CDH8: variants seen among roughly 807,000 people sequenced by gnomAD.
The protein encoded by CDH8 is cadherin 8, also known as cadherin-8.
CDH8 carries 17 observed loss-of-function variants against 68.1 expected under a neutral mutation model. The ratio of observed to expected loss-of-function variants is 0.25; its 90% CI spans 0.17 to 0.37. CDH8 has a LOEUF of 0.37. Among genes scored for constraint, CDH8 ranks in the 10% least tolerant of loss-of-function variants. The pLI is 1.00. For synonymous variants in CDH8, 372 were observed against 365.1 expected (o/e 1.02, Z -0.21); for missense variants, 763 against 999.3 (o/e 0.76, Z 3.19).
intron 8 of CDH8, among the ~76,000 whole-genome samples, chr16:61,762,860 C>T (rs1417561384): frequency 1.3e-5 from 2 of 152,154 alleles, no homozygotes; most frequent in African/African-American, 4.8e-5. Flanking sequence ...GCACCCCAAA[C>T]TCAGGGAATC....
chr16:62,033,242 C>T lies in CDH8; in HGVS notation c.-200+2838G>A, dbSNP rs76765940. On this transcript the variant is annotated intron_variant, in intron 1 of 11. Transcript: ENST00000577390. ...TTGGCTACTTAAATTGTGTTCAGTG[C>T]TAATTGAGGGATTGCTATAAATGAA... 8.3e-4 allele frequency among the ~76,000 whole-genome samples: 127 copies of T among 152,306 alleles called. 1 individual carries two copies. The East Asian group carries it at 0.022, about 26-fold the overall frequency.
chr16:61,923,290 G>A (rs1964402168), intron 2 of CDH8, among the ~76,000 whole-genome samples: 3 of 151,966 alleles, frequency 2.0e-5, no homozygotes, highest in Admixed American at 6.6e-5. Context: ...TCATTCCACC[G>A]TCGGTCAGAC....
At chr16:61,880,177 G>A (rs933059223) in intron 3 of CDH8, among the ~76,000 whole-genome samples, 6 of 152,132 alleles carry the variant, frequency 3.9e-5, no homozygotes, top group African/African-American at 1.4e-4. Context: ...GCCTGCCTTG[G>A]CATCCCAAAG....
At chr16:62,000,014 A>G (rs1278686710) in intron 2 of CDH8, among the ~76,000 whole-genome samples, 1 of 143,166 alleles carries the variant, frequency 7.0e-6, no homozygotes, top group South Asian at 2.2e-4. Context: ...CCCTGTGTCC[A>G]TGTGTTCTCA....
intron 2 of CDH8, among the ~76,000 whole-genome samples, chr16:61,914,249 A>T (rs1489342570): frequency 6.6e-6 from 1 of 152,220 alleles, no homozygotes; most frequent in Non-Finnish European, 1.5e-5. Flanking sequence ...TAAGTCACCC[A>T]GTCTGTGGCA....
At chr16:61,828,717 C>G (rs937158854) in intron 4 of CDH8, among the ~76,000 whole-genome samples, 3 of 151,866 alleles carry the variant, frequency 2.0e-5, no homozygotes, top group African/African-American at 7.2e-5. Flanking sequence ...CTTACCAATG[C>G]TGCCCTCATA....
intron 2 of CDH8, among the ~76,000 whole-genome samples, chr16:62,016,256 C>T (rs752566566): frequency 1.1e-3 from 162 of 152,208 alleles, no homozygotes; most frequent in Non-Finnish European, 2.0e-3. Flanking sequence ...TGTGATTATC[C>T]GTTTTAATGT....
At position 61,960,347 on chromosome 16, in the gene CDH8, A is replaced by ATG. The variant is rs367922151; in HGVS notation, c.253-58876_253-58875dup. Among the ~76,000 whole-genome samples the ATG allele has an allele frequency of 2.6e-4, 7 of 26,568 alleles. 1 individual carries two copies. Among genetic ancestry groups the ATG allele is most frequent in the African/African-American group, 5.3e-4 (2 of 3,804 alleles). The allele number at this position is 26,568 out of a possible 152,430, so 17.4% of individuals were successfully genotyped here. A position where few individuals can be genotyped will look rare whatever the true frequency, so the allele number is the denominator to read the frequency against. On this transcript the variant is annotated intron_variant, in intron 2 of 11. Transcript: ENST00000577390. ...TGTGTGTGTATACACACATATATACATGTGTGTGTGTATACACATACATAT... is the reference window on the plus strand; with the variant it reads ...TGTGTGTGTATACACACATATATACATGTGTGTGTGTGTATACACATACATAT...
intron 8 of CDH8, among the ~76,000 whole-genome samples, chr16:61,749,359 T>C (rs986919234): frequency 1.3e-5 from 2 of 152,100 alleles, no homozygotes; most frequent in South Asian, 2.1e-4. Context: ...CCTATATTTA[T>C]ATACAGCCTT....
chr16:61,652,708 T>C lies in CDH8; in HGVS notation c.*900A>G. On this transcript the variant is annotated 3_prime_UTR_variant, in exon 12 of 12. Transcript: ENST00000577390. Reference sequence around the variant, plus strand: ...TTTTTTCCCATATATCCCCTTAATCTATAGATTACCGACCTTAATAAATAA... The same window carrying C: ...TTTTTTCCCATATATCCCCTTAATCCATAGATTACCGACCTTAATAAATAA... 7.9e-7 allele frequency: 1 copy of C among 1,267,708 alleles called. No homozygotes were observed. The highest frequency in any genetic ancestry group is 3.0e-5 in the South Asian group (1 of 32,808). 78.5% of individuals were successfully genotyped at this position (1,267,708 alleles called of 1,614,324 possible).
intron 3 of CDH8, among the ~76,000 whole-genome samples, chr16:61,891,177 G>A (rs1963770537): frequency 6.6e-6 from 1 of 151,978 alleles, no homozygotes; most frequent in Non-Finnish European, 1.5e-5. Context: ...AAAAACAGTT[G>A]GCAGCCCATA....
chr16:61,810,611 C>T (rs1220045447), intron 7 of CDH8, among the ~76,000 whole-genome samples: 1 of 152,156 alleles, frequency 6.6e-6, no homozygotes, highest in Non-Finnish European at 1.5e-5. Context: ...ACATTATTGG[C>T]ATCCTTGGAT....
chr16:61,688,388 A>C (rs899094621), intron 10 of CDH8, among the ~76,000 whole-genome samples: 1 of 152,046 alleles, frequency 6.6e-6, no homozygotes. Context: ...AATTGTTTCC[A>C]TATGCTAACC....
At chr16:61,667,189 C>T (rs1963696284) in intron 10 of CDH8, 1 of 151,884 alleles carries the variant, frequency 6.6e-6, no homozygotes, top group Non-Finnish European at 1.5e-5. Flanking sequence ...TGTCATGCCA[C>T]CTGATGTCAA....
intron 1 of CDH8, among the ~76,000 whole-genome samples, chr16:62,035,525 C>T (rs1426077377): frequency 6.6e-6 from 1 of 152,166 alleles, no homozygotes; most frequent in Non-Finnish European, 1.5e-5. Flanking sequence ...CGCGCTGGGG[C>T]TTTCGCAGCT....
intron 2 of CDH8, among the ~76,000 whole-genome samples, chr16:62,016,162 G>A (rs1031389731): frequency 1.3e-5 from 2 of 152,136 alleles, no homozygotes; most frequent in Admixed American, 6.6e-5. Context: ...ATAGAATAGG[G>A]CAGCTTCCTC....
At position 61,649,898 on chromosome 16, in the gene CDH8, CAG is replaced by C. The variant is rs555732931; in HGVS notation, c.*3708_*3709del. 2 of 152,108 alleles carry C rather than the reference CAG, an allele frequency of 1.3e-5. No homozygotes were observed. Among genetic ancestry groups the C allele is most frequent in the Non-Finnish European group, 2.9e-5 (2 of 68,006 alleles). 9.4% of individuals were successfully genotyped at this position (152,108 alleles called of 1,614,324 possible). ...TCCTAGGAGATTTCTAAGTCTCATGCAGAGACTTGTCTTACTTTAAGCATCTG... is the reference window on the plus strand; with the variant it reads ...TCCTAGGAGATTTCTAAGTCTCATGCAGACTTGTCTTACTTTAAGCATCTG... On this transcript the variant is annotated 3_prime_UTR_variant, in exon 12 of 12. Transcript: ENST00000577390.
rs201142631 is a variant in CDH8 at position 61,779,468 on chromosome 16, C to T, written c.1414+9878G>A. On this transcript the variant is annotated intron_variant, in intron 8 of 11. Transcript: ENST00000577390. ...GTGTGTGTGTGTGTGTGTGTGTGCG[C>T]GCATGGTGAGGGAAACAAGGAAGAA... Among the ~76,000 whole-genome samples the T allele has an allele frequency of 4.3e-3, 291 of 67,690 alleles. 2 individuals are homozygous for T. The highest frequency in any genetic ancestry group is 0.015 in the African/African-American group (257 of 17,572). 44.4% of individuals were successfully genotyped at this position (67,690 alleles called of 152,430 possible).
chr16:61,654,154 A>G, intron 11 of CDH8, 53 bp from the exon 12 acceptor site: 1 of 1,521,598 alleles, frequency 6.6e-7, no homozygotes, highest in Non-Finnish European at 9.0e-7. Flanking sequence ...TAATTTCACA[A>G]GCAACACACT....
Sources: allele counts gnomAD v4.1 joint callset (sites outside exome capture counted in the v4.1 genomes callset), GRCh38; gene constraint gnomAD v4.1.1; transcripts MANE v1.5; gene names NCBI Gene and HGNC (gene_info 2026-07-23, HGNC 2026-07-21).